Variants in LSM3 observed in about 807,000 individuals in gnomAD.
LSM3 encodes the protein U6 snRNA-associated Sm-like protein LSm3.
LSM3 carries 14 observed loss-of-function variants against 15.4 expected under a neutral mutation model. The ratio of observed to expected loss-of-function variants is 0.91; its 90% CI spans 0.60 to 1.42. The LOEUF (loss-of-function observed/expected upper bound fraction) is 1.42. Ranked by LOEUF, LSM3 falls within the 40% of genes most tolerant of loss-of-function variation. LSM3 has a pLI of 0.00. For synonymous variants in LSM3, 46 were observed against 45.1 expected, an observed-to-expected ratio of 1.02 and a Z score of -0.08; for missense variants, 88 against 127.9, an observed-to-expected ratio of 0.69 and a Z score of 1.50.
At chr3:14,196,671 G>T (rs1697190035) in intron 3 of LSM3, among the ~76,000 whole-genome samples, 1 of 152,148 alleles carries the variant, frequency 6.6e-6, no homozygotes, top group Non-Finnish European at 1.5e-5. Flanking sequence ...CCCATCCAAT[G>T]TTTGGAACTT....
chr3:14,183,962 T>C lies in LSM3; in HGVS notation c.158T>C (p.Ile53Thr). The C allele has an allele frequency of 6.2e-7, 1 of 1,609,136 alleles. No individual in the cohort carries two copies. The highest frequency in any genetic ancestry group is 8.5e-7 in the Non-Finnish European group (1 of 1,178,758). ...GCTTATGATCAACATTTAAATATGA[T>C]CTTGGGAGATGTGGAAGAAACTGTG... is the stretch of plus-strand genomic sequence containing the variant. ...LHAYDQHLNM[I>T]LGDVEETVTT... Residue 53 changes from isoleucine to threonine, a missense_variant, in exon 3 of 4, where the codon ATC (isoleucine) becomes ACC (threonine). By Grantham distance (89) the Ile-to-Thr change is moderately conservative (BLOSUM62 -1). Coordinates refer to ENST00000306024, the MANE Select transcript of LSM3 (RefSeq NM_014463.3).
At chr3:14,192,404 G>A (rs1391716322) in intron 3 of LSM3, among the ~76,000 whole-genome samples, 1 of 152,162 alleles carries the variant, frequency 6.6e-6, no homozygotes, top group African/African-American at 2.4e-5. Flanking sequence ...CGCAATTATT[G>A]TGTGGGAGTC....
chr3:14,179,031 T>C (rs940731085), intron 1 of LSM3, 150 bp downstream of exon 1: 30 of 813,606 alleles, frequency 3.7e-5, no homozygotes, highest in Non-Finnish European at 5.2e-5. Flanking sequence ...CCTCCGAATT[T>C]TGCCGTAGGC....
intron 3 of LSM3, among the ~76,000 whole-genome samples, chr3:14,191,687 G>T (rs1010210981): frequency 1.3e-5 from 2 of 151,804 alleles, no homozygotes; most frequent in Non-Finnish European, 2.9e-5. Flanking sequence ...TTCTTTATTA[G>T]TCTGGCTAGC....
intron 1 of LSM3, among the ~76,000 whole-genome samples, chr3:14,181,347 G>A (rs567856705): frequency 1.4e-4 from 21 of 152,172 alleles, no homozygotes; most frequent in Non-Finnish European, 2.4e-4. Context: ...TATATAGCAC[G>A]TATTATGTGA....
rs1285889589 is a variant in LSM3, at chr3:14,188,797, TTTTATC to T, written c.228+4775_228+4780del. ...GTAAAACCTATTCTGCTGTAAATAATTTTATCTTTATCTTTTTTTTTAATTATACTT... is the reference window on the plus strand; with the variant it reads ...GTAAAACCTATTCTGCTGTAAATAATTTTATCTTTTTTTTTAATTATACTT... On this transcript the variant is annotated intron_variant, in intron 3 of 3. Coordinates refer to ENST00000306024, the MANE Select transcript of LSM3 (RefSeq NM_014463.3). Among the ~76,000 whole-genome samples, 3 of 152,166 alleles carry T rather than the reference TTTTATC, an allele frequency of 2.0e-5. No individual in the cohort carries two copies. In the East Asian group the frequency reaches 5.8e-4, roughly 29 times the overall value.
intron 1 of LSM3, among the ~76,000 whole-genome samples, chr3:14,179,612 T>C (rs1696995831): frequency 6.6e-6 from 1 of 152,218 alleles, no homozygotes; most frequent in Non-Finnish European, 1.5e-5. Flanking sequence ...TTTTTCATAT[T>C]AAATGTATGC....
intron 3 of LSM3, among the ~76,000 whole-genome samples, chr3:14,193,136 A>G (rs879937476): frequency 2.0e-5 from 3 of 152,188 alleles, no homozygotes; most frequent in Non-Finnish European, 2.9e-5. Context: ...GGGTTTCTGC[A>G]GAGAGATCTG....
intron 3 of LSM3, among the ~76,000 whole-genome samples, chr3:14,186,965 T>G (rs1697095374): frequency 1.3e-5 from 2 of 152,246 alleles, no homozygotes; most frequent in Non-Finnish European, 2.9e-5. Flanking sequence ...GTAACATCAT[T>G]AACATAAGAA....
In LSM3 at chr3:14,198,437, T is replaced by C. The variant is rs1697205397; in HGVS notation, c.*321T>C. ...ATTGGTGTTTCCTTGTAGATTTTTTTAAGTGCGGTCTTCTGTCTTGTGAAT... is the reference window on the plus strand; with the variant it reads ...ATTGGTGTTTCCTTGTAGATTTTTTCAAGTGCGGTCTTCTGTCTTGTGAAT... On this transcript the variant is annotated 3_prime_UTR_variant, in exon 4 of 4. Transcript: ENST00000306024. The C allele has an allele frequency of 3.2e-6, 1 of 316,730 alleles. No individual in the cohort carries two copies. The allele number at this position is 316,730 out of a possible 1,614,324, so 19.6% of individuals were successfully genotyped here.
intron 1 of LSM3, 73 bp from the exon 2 acceptor site, chr3:14,181,487 C>A: frequency 1.1e-6 from 1 of 942,020 alleles, no homozygotes; most frequent in South Asian, 1.4e-5. Context: ...TGCCCATGGT[C>A]ACACAGCATA....
At chr3:14,194,600 C>G (rs902053883) in intron 3 of LSM3, among the ~76,000 whole-genome samples, 1 of 151,888 alleles carries the variant, frequency 6.6e-6, no homozygotes, top group African/African-American at 2.4e-5. Context: ...GATTTCATTG[C>G]AGGTTGACTC....
At chr3:14,192,303 G>C (rs922385563) in intron 3 of LSM3, among the ~76,000 whole-genome samples, 1 of 152,174 alleles carries the variant, frequency 6.6e-6, no homozygotes, top group Non-Finnish European at 1.5e-5. Flanking sequence ...AGGTCTGCTT[G>C]GTCCAGAGCT....
intron 1 of LSM3, among the ~76,000 whole-genome samples, chr3:14,179,451 A>C (rs1221714840): frequency 6.6e-6 from 1 of 152,202 alleles, no homozygotes; most frequent in African/African-American, 2.4e-5. Flanking sequence ...AAGCTTTTTC[A>C]CCTGGTCTTT....
chr3:14,185,065 A>G (rs1384835901), intron 3 of LSM3, among the ~76,000 whole-genome samples: 1 of 151,794 alleles, frequency 6.6e-6, no homozygotes, highest in Non-Finnish European at 1.5e-5. Flanking sequence ...CTCAAAAAAA[A>G]AAAGGCTGGG....
intron 1 of LSM3, among the ~76,000 whole-genome samples, chr3:14,179,562 C>G (rs1050456523): frequency 4.6e-5 from 7 of 152,204 alleles, no homozygotes; most frequent in Admixed American, 6.5e-5. Flanking sequence ...ACTCCCGCTA[C>G]TCTGGTTACC....
intron 3 of LSM3, among the ~76,000 whole-genome samples, chr3:14,188,626 G>GT (rs199818320): frequency 0.01 from 1,576 of 151,758 alleles, 25 homozygotes; most frequent in African/African-American, 0.035. Flanking sequence ...CCCTTCCCCT[G>GT]TTTTTTTATC....
chr3:14,194,802 T>TTA (rs1697173573), intron 3 of LSM3, among the ~76,000 whole-genome samples: 1 of 102,830 alleles, frequency 9.7e-6, no homozygotes, highest in Non-Finnish European at 2.0e-5. Context: ...TTTTTTTTTT[T>TTA]AAACCTAGAG....
intron 2 of LSM3, 70 bp downstream of exon 2, chr3:14,181,740 C>T (rs767203947): frequency 6.3e-5 from 71 of 1,121,456 alleles, no homozygotes; most frequent in Non-Finnish European, 9.7e-5. Context: ...AATGTAAAAC[C>T]TGTCCAGAGT....
Sources: gnomAD v4.1 joint callset for allele counts (sites outside exome capture counted in the v4.1 genomes callset) on GRCh38, gnomAD v4.1.1 for gene constraint, MANE v1.5 for transcripts, NCBI Gene and HGNC (gene_info 2026-07-23, HGNC 2026-07-21) for gene names.